SMYD3: variants seen among roughly 807,000 people sequenced by gnomAD.
The protein encoded by SMYD3 is histone-lysine N-methyltransferase SMYD3.
SMYD3 carries 36 observed loss-of-function variants against 57.7 expected under a neutral mutation model. The ratio of observed to expected loss-of-function variants is 0.62; its 90% CI spans 0.48 to 0.82. SMYD3 has a LOEUF of 0.82. SMYD3 is among the 40% of genes least tolerant of loss of function. The pLI, the probability that SMYD3 is intolerant of heterozygous loss-of-function variation, is 0.00. For missense variants in SMYD3, 515 were observed against 538.8 expected, an observed-to-expected ratio of 0.96 and a Z score of 0.44; for synonymous variants, 211 against 195.0, an observed-to-expected ratio of 1.08 and a Z score of -0.68.
chr1:246,289,106 A>G (rs1356567679), intron 5 of SMYD3, among the ~76,000 whole-genome samples: 1 of 152,116 alleles, frequency 6.6e-6, no homozygotes, highest in Non-Finnish European at 1.5e-5. Flanking sequence ...CAAAAGCAAA[A>G]CTTCGTCTCA....
intron 5 of SMYD3, among the ~76,000 whole-genome samples, chr1:246,235,189 A>C (rs900070368): frequency 2.6e-5 from 4 of 152,186 alleles, no homozygotes; most frequent in Non-Finnish European, 5.9e-5. Flanking sequence ...TCATAGAAGA[A>C]AAGACAGGAG....
chr1:245,849,589 T>C (rs1461167289), intron 10 of SMYD3, among the ~76,000 whole-genome samples: 2 of 152,192 alleles, frequency 1.3e-5, no homozygotes, highest in Non-Finnish European at 2.9e-5. Context: ...TGCAGGATTA[T>C]CACTTCTGAT....
At chr1:245,839,012 G>GCC (rs1161003672) in intron 10 of SMYD3, among the ~76,000 whole-genome samples, 1 of 152,154 alleles carries the variant, frequency 6.6e-6, no homozygotes, top group African/African-American at 2.4e-5. Flanking sequence ...TGCAGCACTA[G>GCC]CCCCTCTCAG....
chr1:245,876,812 C>T (rs1363238289), intron 8 of SMYD3, among the ~76,000 whole-genome samples: 5 of 152,140 alleles, frequency 3.3e-5, no homozygotes, highest in African/African-American at 4.8e-5. Flanking sequence ...AAATACCGCA[C>T]GTGATAACAG....
chr1:246,367,107 T>C (rs557700219), intron 1 of SMYD3, among the ~76,000 whole-genome samples: 27 of 152,154 alleles, frequency 1.8e-4, no homozygotes, highest in African/African-American at 6.5e-4. Flanking sequence ...CAAGAAATAG[T>C]GAATGGAAGT....
intron 5 of SMYD3, among the ~76,000 whole-genome samples, chr1:246,027,698 T>G (rs771786428): frequency 6.6e-6 from 1 of 152,234 alleles, no homozygotes; most frequent in Non-Finnish European, 1.5e-5. Flanking sequence ...AGAGCTCCGA[T>G]GGAGATGTAC....
intron 5 of SMYD3, among the ~76,000 whole-genome samples, chr1:246,039,051 C>T (rs2059825219): frequency 6.6e-6 from 1 of 152,144 alleles, no homozygotes; most frequent in Non-Finnish European, 1.5e-5. Flanking sequence ...GTCACAATTT[C>T]CTTTCCTTGT....
intron 5 of SMYD3, among the ~76,000 whole-genome samples, chr1:246,174,491 G>A (rs953046481): frequency 6.6e-6 from 1 of 152,198 alleles, no homozygotes; most frequent in South Asian, 2.1e-4. Context: ...CTGTCGCCCA[G>A]GTTGGAGTGC....
At chr1:246,229,718 T>G (rs2063382868) in intron 5 of SMYD3, among the ~76,000 whole-genome samples, 1 of 152,180 alleles carries the variant, frequency 6.6e-6, no homozygotes, top group South Asian at 2.1e-4. Flanking sequence ...ACCTTTTATA[T>G]TGACACCAAT....
At chr1:245,846,515 C>G (rs1035356053) in intron 10 of SMYD3, among the ~76,000 whole-genome samples, 2 of 152,148 alleles carry the variant, frequency 1.3e-5, no homozygotes, top group Non-Finnish European at 2.9e-5. Context: ...AAAATTATAG[C>G]CAAAATAAAA....
intron 1 of SMYD3, among the ~76,000 whole-genome samples, chr1:246,396,291 C>T (rs964294372): frequency 1.3e-5 from 2 of 152,156 alleles, no homozygotes; most frequent in Admixed American, 1.3e-4. Context: ...TGATCCTATA[C>T]TGTTTGGAAA....
At chr1:246,401,642 A>T (rs1328349137) in intron 1 of SMYD3, among the ~76,000 whole-genome samples, 1 of 151,834 alleles carries the variant, frequency 6.6e-6, no homozygotes, top group Admixed American at 6.6e-5. Context: ...TTAAATTTTT[A>T]AAAATAAAAA....
chr1:245,927,891 T>C lies in SMYD3; in HGVS notation c.702+40A>G, dbSNP rs140568346. On this transcript the variant is annotated intron_variant, in intron 7 of 11. Transcript: ENST00000490107. ...CGGGCCGAGCTGAGAGGGTCTTTGATAGGAAAGAAGGCCAGGCTGGGAAGC... is the reference window on the plus strand; with the variant it reads ...CGGGCCGAGCTGAGAGGGTCTTTGACAGGAAAGAAGGCCAGGCTGGGAAGC... 3,866 of 1,543,140 alleles carry C rather than the reference T, an allele frequency of 2.5e-3. 22 individuals carry two copies. The highest frequency in any genetic ancestry group is 0.01 in the South Asian group (917 of 88,998).
rs139072943 is a variant in SMYD3 at position 245,884,752 on chromosome 1, G to A, written c.814-20866C>T. Among the ~76,000 whole-genome samples, 689 of 151,642 alleles carry A rather than the reference G, an allele frequency of 4.5e-3. 3 individuals are homozygous for A. The highest frequency in any genetic ancestry group is 0.015 in the African/African-American group (614 of 41,360). ...GCACCAATCAGCACTCTGTAAAAACGCACCAATCAGCGCTCTGTGTCTAGC... is the reference window on the plus strand; with the variant it reads ...GCACCAATCAGCACTCTGTAAAAACACACCAATCAGCGCTCTGTGTCTAGC... On this transcript the variant is annotated intron_variant, in intron 8 of 11. Coordinates refer to ENST00000490107, the MANE Select transcript of SMYD3 (RefSeq NM_001167740.2).
chr1:246,067,687 G>C (rs998564958), intron 5 of SMYD3, among the ~76,000 whole-genome samples: 1 of 152,182 alleles, frequency 6.6e-6, no homozygotes, highest in Middle Eastern at 3.2e-3. Context: ...TCCTGGACGT[G>C]AATCTAGCAT....
chr1:246,489,914 AC>A (rs564617070), intron 1 of SMYD3, among the ~76,000 whole-genome samples: 21 of 149,952 alleles, frequency 1.4e-4, no homozygotes, highest in African/African-American at 4.7e-4. Context: ...AGCAGCCTCA[AC>A]CCCCCAGGCT....
At chr1:246,112,079 C>T (rs1477667737) in intron 5 of SMYD3, among the ~76,000 whole-genome samples, 1 of 152,166 alleles carries the variant, frequency 6.6e-6, no homozygotes, top group Non-Finnish European at 1.5e-5. Flanking sequence ...TAGCAAAAGT[C>T]GCAACCAAAT....
intron 5 of SMYD3, among the ~76,000 whole-genome samples, chr1:246,233,670 G>A (rs375315377): frequency 4.7e-4 from 60 of 127,672 alleles, no homozygotes; most frequent in Middle Eastern, 5.4e-3. Context: ...ATACCACACA[G>A]AGGAGAAGCA....
intron 5 of SMYD3, among the ~76,000 whole-genome samples, chr1:246,144,959 G>A (rs992682079): frequency 3.3e-5 from 5 of 152,164 alleles, no homozygotes; most frequent in Non-Finnish European, 7.4e-5. Context: ...ACCGCCTCAC[G>A]AAAGCATCCT....
Sources: allele counts gnomAD v4.1 joint callset (sites outside exome capture counted in the v4.1 genomes callset), GRCh38; gene constraint gnomAD v4.1.1; transcripts MANE v1.5; gene names NCBI Gene and HGNC (gene_info 2026-07-23, HGNC 2026-07-21).